The following PI15 variants were observed in gnomAD, a reference collection of about 807,000 sequenced individuals.
PI15 encodes the protein peptidase inhibitor 15, also known as 25 kDa trypsin inhibitor.
A neutral mutation model predicts 31.0 loss-of-function variants in PI15; 18 were observed. The observed-to-expected ratio is 0.58, with a 90% CI of 0.40 to 0.86. The LOEUF is 0.86. Among genes scored for constraint, PI15 ranks in the 40% least tolerant of loss-of-function variants. The probability of loss-of-function intolerance (pLI) is 0.00; values close to 1 mark genes in which losing one functional copy is unlikely to be tolerated. For missense variants in PI15, 282 were observed against 328.1 expected, an observed-to-expected ratio of 0.86 and a Z score of 1.09; for synonymous variants, 118 against 119.1, an observed-to-expected ratio of 0.99 and a Z score of 0.06.
intron 2 of PI15, among the ~76,000 whole-genome samples, chr8:74,843,668 G>A (rs565025924): frequency 3.9e-5 from 6 of 152,120 alleles, no homozygotes; most frequent in Admixed American, 6.5e-5. Flanking sequence ...GTTCGTGACC[G>A]GCCTGGCCAA....
intron 5 of PI15, among the ~76,000 whole-genome samples, chr8:74,846,759 TCTAA>T (rs548147506): frequency 5.3e-4 from 81 of 151,920 alleles, no homozygotes; most frequent in African/African-American, 1.9e-3. Flanking sequence ...TTATGTTAAG[TCTAA>T]CTGTTATTCA....
intron 2 of PI15, among the ~76,000 whole-genome samples, chr8:74,843,148 T>C (rs1327693050): frequency 6.6e-6 from 1 of 152,204 alleles, no homozygotes; most frequent in Admixed American, 6.5e-5. Flanking sequence ...AATATATTAA[T>C]ATCATGGCTT....
intron 2 of PI15, among the ~76,000 whole-genome samples, chr8:74,838,218 A>G (rs1437412960): frequency 4.6e-5 from 7 of 152,086 alleles, no homozygotes; most frequent in Non-Finnish European, 7.4e-5. Flanking sequence ...CTTGAAAAAA[A>G]TTAACAGATT....
rs1283004923 is a variant in PI15 at position 74,854,728 on chromosome 8, G to A, written c.*5475G>A. On this transcript the variant is annotated 3_prime_UTR_variant, in exon 6 of 6. Coordinates refer to ENST00000260113, the MANE Select transcript of PI15 (RefSeq NM_015886.5). ...GTGCCATAATATTTTGAGAATTAGAGAAGATTGTGATGCATATATATAAAC... is the reference window on the plus strand; with the variant it reads ...GTGCCATAATATTTTGAGAATTAGAAAAGATTGTGATGCATATATATAAAC... 2 of 152,058 alleles carry A rather than the reference G, an allele frequency of 1.3e-5. No individual in the cohort carries two copies. Among genetic ancestry groups the A allele is most frequent in the Non-Finnish European group, 2.9e-5 (2 of 67,982 alleles). The allele number at this position is 152,058 out of a possible 1,614,324, so 9.4% of individuals were successfully genotyped here. A position where few individuals can be genotyped will look rare whatever the true frequency, so the allele number is the denominator to read the frequency against.
chr8:74,844,424 AGGCT>A (rs1810990686), intron 3 of PI15, among the ~76,000 whole-genome samples: 1 of 128,138 alleles, frequency 7.8e-6, no homozygotes, highest in Admixed American at 8.0e-5. Flanking sequence ...GACTGTGCAG[AGGCT>A]GTGTGTGTGT....
chr8:74,844,539 G>A (rs2128765885), intron 3 of PI15, among the ~76,000 whole-genome samples: 1 of 151,526 alleles, frequency 6.6e-6, no homozygotes, highest in South Asian at 2.1e-4. Flanking sequence ...CAATAAAAAT[G>A]TAGGCATTTA....
chr8:74,838,969 G>T (rs1256028556), intron 2 of PI15, among the ~76,000 whole-genome samples: 1 of 152,166 alleles, frequency 6.6e-6, no homozygotes, highest in East Asian at 1.9e-4. Flanking sequence ...CCTCATATCT[G>T]GTTTGGATCA....
intron 2 of PI15, among the ~76,000 whole-genome samples, chr8:74,831,990 T>C (rs1810788667): frequency 6.6e-6 from 1 of 151,962 alleles, no homozygotes; most frequent in African/African-American, 2.4e-5. Context: ...GGGTAATCAT[T>C]GAAGGTTTCA....
In PI15 at chr8:74,853,826, TA is replaced by T. The variant is rs1184964073; in HGVS notation, c.*4574del. 1 of 151,478 alleles carries T rather than the reference TA, an allele frequency of 6.6e-6. No homozygotes were observed. Among genetic ancestry groups the T allele is most frequent in the Non-Finnish European group, 1.5e-5 (1 of 67,926 alleles). 9.4% of individuals were successfully genotyped at this position (151,478 alleles called of 1,614,324 possible). ...CATGATTTTCCAGTTCTGAGGCACTTATTAAAGTGCTTTTTTTTTTCTGAAT... is the reference window on the plus strand; with the variant it reads ...CATGATTTTCCAGTTCTGAGGCACTTTTAAAGTGCTTTTTTTTTTCTGAAT... On this transcript the variant is annotated 3_prime_UTR_variant, in exon 6 of 6. Coordinates refer to ENST00000260113, the MANE Select transcript of PI15 (RefSeq NM_015886.5).
At chr8:74,836,369 TG>T (rs1422057918) in intron 2 of PI15, among the ~76,000 whole-genome samples, 1 of 152,090 alleles carries the variant, frequency 6.6e-6, no homozygotes, top group African/African-American at 2.4e-5. Context: ...TTTGGAGGAA[TG>T]GGGGTAAGGT....
chr8:74,836,800 G>T (rs1810879260), intron 2 of PI15, among the ~76,000 whole-genome samples: 1 of 152,096 alleles, frequency 6.6e-6, no homozygotes, highest in Non-Finnish European at 1.5e-5. Flanking sequence ...TGACCTTGAA[G>T]ACAGCTGCTT....
chr8:74,825,549 T>TAA (rs397801382), intron 2 of PI15, 27 bp downstream of exon 2: 1 of 1,539,226 alleles, frequency 6.5e-7, no homozygotes, highest in African/African-American at 1.4e-5. Context: ...TTTTTTTTTT[T>TAA]AAGTTCTGAG....
rs1305187333 is a variant in PI15, at chr8:74,853,960, CATTT to C, written c.*4712_*4715del. The C allele has an allele frequency of 1.3e-5, 2 of 151,532 alleles. No homozygotes were observed. The highest frequency in any genetic ancestry group is 2.9e-5 in the Non-Finnish European group (2 of 67,814). 9.4% of individuals were successfully genotyped at this position (151,532 alleles called of 1,614,324 possible). A position where few individuals can be genotyped will look rare whatever the true frequency, so the allele number is the denominator to read the frequency against. ...TAATTGTCTCACTTTCAGAAGTGAT[CATTT>C]ATTTTTATTTAGCACAGGTCATAAG... On this transcript the variant is annotated 3_prime_UTR_variant, in exon 6 of 6. Coordinates refer to ENST00000260113, the MANE Select transcript of PI15 (RefSeq NM_015886.5).
rs1451980654 is a variant in PI15 at position 74,854,044 on chromosome 8, T to G, written c.*4791T>G. On this transcript the variant is annotated 3_prime_UTR_variant, in exon 6 of 6. Transcript: ENST00000260113. Reference sequence around the variant, plus strand: ...TATATAAAAGGATTATTTCTCCACCTTTAATTATTGGCCTATCATTTGTTA... The same window carrying G: ...TATATAAAAGGATTATTTCTCCACCGTTAATTATTGGCCTATCATTTGTTA... 6.6e-6 allele frequency: 1 copy of G among 152,042 alleles called. No individual in the cohort carries two copies. 9.4% of individuals were successfully genotyped at this position (152,042 alleles called of 1,614,324 possible).
chr8:74,836,465 T>C (rs1164959695), intron 2 of PI15, among the ~76,000 whole-genome samples: 1 of 152,098 alleles, frequency 6.6e-6, no homozygotes, highest in Non-Finnish European at 1.5e-5. Flanking sequence ...AGAAATACAA[T>C]TTGGAACAAT....
At chr8:74,844,905 A>G (rs1205688661) in intron 3 of PI15, 1 of 521,628 alleles carries the variant, frequency 1.9e-6, no homozygotes, top group Non-Finnish European at 3.4e-6. Flanking sequence ...ACATGTTTAG[A>G]CAAATACAGA....
intron 5 of PI15, chr8:74,845,835 T>C (rs1450211000): frequency 5.2e-6 from 1 of 192,564 alleles, no homozygotes; most frequent in African/African-American, 2.3e-5. Context: ...GAAAGAATCT[T>C]CCATGATATT....
chr8:74,833,965 G>A (rs1432519481), intron 2 of PI15, among the ~76,000 whole-genome samples: 1 of 152,142 alleles, frequency 6.6e-6, no homozygotes, highest in Non-Finnish European at 1.5e-5. Flanking sequence ...TCAGTAGCAG[G>A]ATTAGATTTT....
chr8:74,844,041 C>G lies in PI15; in HGVS notation c.334C>G (p.His112Asp). Reference sequence around the variant, plus strand: ...TTGGGCGGCTACTTGCATTTGGGACCATGGACCTTCTTACTTACTGAGATT... The same window carrying G: ...TTGGGCGGCTACTTGCATTTGGGACGATGGACCTTCTTACTTACTGAGATT... ...EAWAATCIWD[H>D]GPSYLLRFLG... The change falls in exon 3 of 6, where the codon CAT becomes GAT. Residue 112 changes from histidine to aspartate, a missense_variant. By Grantham distance (81) the His-to-Asp change is moderately conservative (BLOSUM62 -1). Coordinates refer to ENST00000260113, the MANE Select transcript of PI15 (RefSeq NM_015886.5). 1 of 1,609,274 alleles carries G rather than the reference C, an allele frequency of 6.2e-7. No individual in the cohort carries two copies. The highest frequency in any genetic ancestry group is 8.5e-7 in the Non-Finnish European group (1 of 1,175,616).
Sources: gnomAD v4.1 joint callset for allele counts (sites outside exome capture counted in the v4.1 genomes callset) on GRCh38, gnomAD v4.1.1 for gene constraint, MANE v1.5 for transcripts, NCBI Gene and HGNC (gene_info 2026-07-23, HGNC 2026-07-21) for gene names.